Variants in SNX7 observed in about 807,000 individuals in gnomAD.
SNX7 encodes the protein sorting nexin-7.
In SNX7, 35 loss-of-function variants were observed where a neutral mutation model predicts 48.4. The ratio of observed to expected loss-of-function variants is 0.72; its 90% CI spans 0.55 to 0.96. SNX7 has a LOEUF of 0.96. Among genes scored for constraint, SNX7 ranks in the 40% least tolerant of loss-of-function variants. The pLI is 0.00. For missense variants in SNX7, 553 were observed against 548.9 expected (o/e 1.01, Z -0.07); for synonymous variants, 190 against 190.2 (o/e 1.00, Z 0.01).
chr1:98,682,781 G>A (rs1650572543), intron 1 of SNX7, among the ~76,000 whole-genome samples: 1 of 152,114 alleles, frequency 6.6e-6, no homozygotes, highest in Admixed American at 6.6e-5. Flanking sequence ...CCAGTGTCCT[G>A]TTCATTTTGG....
intron 2 of SNX7, among the ~76,000 whole-genome samples, chr1:98,689,959 G>C (rs1651025369): frequency 6.6e-6 from 1 of 152,004 alleles, no homozygotes; most frequent in African/African-American, 2.4e-5. Context: ...CCATTATAAA[G>C]GGAATGTTGT....
chr1:98,661,947 A>G, intron 1 of SNX7, 36 bp downstream of exon 1: 2 of 1,245,732 alleles, frequency 1.6e-6, no homozygotes, highest in Non-Finnish European at 2.0e-6. Flanking sequence ...GGAAACTTCC[A>G]AGGCAACTCC....
chr1:98,746,038 G>C (rs1000605043), intron 8 of SNX7, among the ~76,000 whole-genome samples: 1 of 151,848 alleles, frequency 6.6e-6, no homozygotes, highest in Non-Finnish European at 1.5e-5. Flanking sequence ...GAAATGATCA[G>C]AGCAAAAGAT....
At chr1:98,737,898 T>C (rs147703851) in intron 7 of SNX7, among the ~76,000 whole-genome samples, 1 of 152,286 alleles carries the variant, frequency 6.6e-6, no homozygotes, top group East Asian at 1.9e-4. Context: ...ATGGTAGTTG[T>C]AAGGAGAGTC....
Position 98,661,774 on chromosome 1 carries a change from C to T in SNX7, c.43C>T (p.Leu15Phe). 1 of 1,242,234 alleles carries T rather than the reference C, an allele frequency of 8.1e-7. No homozygotes were observed. The highest frequency in any genetic ancestry group is 1.0e-6 in the Non-Finnish European group (1 of 986,252). The allele number at this position is 1,242,234 out of a possible 1,614,324, so 77.0% of individuals were successfully genotyped here. A position where few individuals can be genotyped will look rare whatever the true frequency, so the allele number is the denominator to read the frequency against. ...RRASQAPSSGLPAGGANGESP... is the reference protein window; with the variant it reads ...RRASQAPSSGFPAGGANGESP... ...GGCATCGCAGGCGCCCTCCTCGGGC[C>T]TCCCGGCCGGGGGCGCCAACGGGGA... is the stretch of plus-strand genomic sequence containing the variant. The change falls in exon 1 of 9, where the codon CTC becomes TTC. Residue 15 changes from leucine (L) to phenylalanine (F), a missense_variant. By Grantham distance (22) the Leu-to-Phe change is conservative. Transcript: ENST00000306121.
At chr1:98,742,230 A>G (rs1016128846) in intron 8 of SNX7, among the ~76,000 whole-genome samples, 3 of 152,070 alleles carry the variant, frequency 2.0e-5, no homozygotes, top group African/African-American at 7.2e-5. Flanking sequence ...GAATTCACAA[A>G]TATTCCCAAT....
intron 8 of SNX7, among the ~76,000 whole-genome samples, chr1:98,748,358 GT>G (rs936845899): frequency 6.6e-6 from 1 of 151,934 alleles, no homozygotes; most frequent in African/African-American, 2.4e-5. Flanking sequence ...AATGTAATTT[GT>G]TCTCGATTAT....
At chr1:98,708,239 T>TAC (rs374284105) in intron 7 of SNX7, among the ~76,000 whole-genome samples, 17 of 152,010 alleles carry the variant, frequency 1.1e-4, no homozygotes, top group African/African-American at 3.1e-4. Context: ...TGTATACATA[T>TAC]ACACACACAC....
At chr1:98,686,619 T>C (rs1434602637) in intron 2 of SNX7, among the ~76,000 whole-genome samples, 1 of 152,168 alleles carries the variant, frequency 6.6e-6, no homozygotes, top group Admixed American at 6.5e-5. Flanking sequence ...ATCTTAGCTA[T>C]ATCAAGATGT....
At chr1:98,680,292 GCA>G (rs1650409001) in intron 1 of SNX7, among the ~76,000 whole-genome samples, 1 of 152,066 alleles carries the variant, frequency 6.6e-6, no homozygotes, top group African/African-American at 2.4e-5. Context: ...TCCCTAGGCG[GCA>G]CACAGTATGG....
chr1:98,731,151 C>CTTTT (rs368167768), intron 7 of SNX7, among the ~76,000 whole-genome samples: 2 of 143,708 alleles, frequency 1.4e-5, no homozygotes, highest in South Asian at 4.3e-4. Context: ...GTATTCCTGC[C>CTTTT]TTTTTTTTTT....
intron 7 of SNX7, among the ~76,000 whole-genome samples, chr1:98,732,385 G>T (rs1653558361): frequency 6.6e-6 from 1 of 152,110 alleles, no homozygotes; most frequent in Non-Finnish European, 1.5e-5. Flanking sequence ...GGGAAATAGG[G>T]AGGGTACTGT....
At chr1:98,734,517 A>C (rs1197492894) in intron 7 of SNX7, among the ~76,000 whole-genome samples, 6 of 152,112 alleles carry the variant, frequency 3.9e-5, no homozygotes, top group African/African-American at 1.4e-4. Flanking sequence ...TCTTTCTTCT[A>C]GTTTCCCAGC....
intron 1 of SNX7, among the ~76,000 whole-genome samples, chr1:98,683,629 A>G (rs1167420160): frequency 6.6e-6 from 1 of 152,188 alleles, no homozygotes; most frequent in Non-Finnish European, 1.5e-5. Flanking sequence ...GGCCCTCACC[A>G]GACGCTGAAT....
At chr1:98,754,245 A>G (rs1056235197) in intron 8 of SNX7, among the ~76,000 whole-genome samples, 1 of 152,074 alleles carries the variant, frequency 6.6e-6, no homozygotes, top group Admixed American at 6.6e-5. Context: ...TTCTTTATAG[A>G]AATTACTGCC....
At chr1:98,747,356 A>G (rs554660431) in intron 8 of SNX7, among the ~76,000 whole-genome samples, 2 of 152,280 alleles carry the variant, frequency 1.3e-5, no homozygotes, top group Admixed American at 1.3e-4. Context: ...TAGAAGTTGA[A>G]AGTAATCAGT....
chr1:98,664,271 T>C (rs996437373), intron 1 of SNX7, among the ~76,000 whole-genome samples: 1 of 152,208 alleles, frequency 6.6e-6, no homozygotes, highest in Non-Finnish European at 1.5e-5. Context: ...AGAGTATGAA[T>C]TTCCCCAGCA....
chr1:98,739,693 GA>G (rs1653975782), intron 8 of SNX7, among the ~76,000 whole-genome samples: 1 of 150,810 alleles, frequency 6.6e-6, no homozygotes, highest in Non-Finnish European at 1.5e-5. Flanking sequence ...TGCCAGATAA[GA>G]GTGTGAGAAA....
At chr1:98,693,203 C>T (rs1431213006) in intron 4 of SNX7, among the ~76,000 whole-genome samples, 1 of 148,306 alleles carries the variant, frequency 6.7e-6, no homozygotes, top group African/African-American at 2.6e-5. Flanking sequence ...GATGGATGGA[C>T]GGACAGATAG....
Sources: allele counts gnomAD v4.1 joint callset (sites outside exome capture counted in the v4.1 genomes callset), GRCh38; gene constraint gnomAD v4.1.1; transcripts MANE v1.5; gene names NCBI Gene and HGNC (gene_info 2026-07-23, HGNC 2026-07-21).